Variants in LUZP2 observed in about 807,000 individuals in gnomAD.
LUZP2 encodes leucine zipper protein 2.
A neutral mutation model predicts 51.6 loss-of-function variants in LUZP2; 52 were observed. The observed-to-expected ratio is 1.01, with a 90% CI of 0.81 to 1.27. LUZP2 has a LOEUF of 1.27. Among genes scored for constraint, LUZP2 ranks in the 50% most tolerant of loss-of-function variants. The pLI, the probability that LUZP2 is intolerant of heterozygous loss-of-function variation, is 0.00. For missense variants in LUZP2, 436 were observed against 395.4 expected, an observed-to-expected ratio of 1.10 and a Z score of -0.87; for synonymous variants, 154 against 137.3, an observed-to-expected ratio of 1.12 and a Z score of -0.85.
chr11:24,963,995 C>T (rs1855505817), intron 7 of LUZP2, among the ~76,000 whole-genome samples: 1 of 152,184 alleles, frequency 6.6e-6, no homozygotes, highest in Non-Finnish European at 1.5e-5. Context: ...GTTTGACATA[C>T]TGATTTCAAA....
chr11:24,950,323 A>G (rs182282936), intron 7 of LUZP2, among the ~76,000 whole-genome samples: 1 of 151,552 alleles, frequency 6.6e-6, no homozygotes, highest in African/African-American at 2.4e-5. Flanking sequence ...ATTAACCCCC[A>G]AAAATGATTT....
intron 5 of LUZP2, among the ~76,000 whole-genome samples, chr11:24,824,947 A>G (rs1850480000): frequency 6.6e-6 from 1 of 152,246 alleles, no homozygotes; most frequent in African/African-American, 2.4e-5. Context: ...TAATGAAACT[A>G]TAGGCTCTAT....
At chr11:24,939,012 A>T (rs930456614) in intron 7 of LUZP2, among the ~76,000 whole-genome samples, 2 of 152,046 alleles carry the variant, frequency 1.3e-5, no homozygotes, top group African/African-American at 4.8e-5. Context: ...CCACACTTTA[A>T]ATTGGAAGGC....
At chr11:24,887,862 A>T (rs16913464) in intron 5 of LUZP2, among the ~76,000 whole-genome samples, 6,052 of 152,272 alleles carry the variant, frequency 0.04, 383 homozygotes, top group African/African-American at 0.13. Context: ...AGTCAGTTTT[A>T]GGAAGTTCCA....
intron 1 of LUZP2, among the ~76,000 whole-genome samples, chr11:24,651,367 A>C (rs999282161): frequency 2.0e-5 from 3 of 152,124 alleles, no homozygotes; most frequent in African/African-American, 7.2e-5. Context: ...TTTAGCAAAG[A>C]GCTTAAACAC....
chr11:24,547,879 T>C (rs933571723), intron 1 of LUZP2, among the ~76,000 whole-genome samples: 4 of 151,516 alleles, frequency 2.6e-5, no homozygotes, highest in African/African-American at 9.7e-5. Flanking sequence ...AAAAAGAAAC[T>C]ACCTCATTAA....
chr11:24,700,770 G>T (rs575676346), intron 1 of LUZP2, among the ~76,000 whole-genome samples: 1 of 151,900 alleles, frequency 6.6e-6, no homozygotes, highest in Non-Finnish European at 1.5e-5. Context: ...ATTTGGTTGG[G>T]GTTCATTCTG....
intron 10 of LUZP2, among the ~76,000 whole-genome samples, chr11:25,062,183 A>G (rs971794859): frequency 6.7e-6 from 1 of 149,872 alleles, no homozygotes; most frequent in Non-Finnish European, 1.5e-5. Flanking sequence ...AGGAGGAGGA[A>G]GGGAGAGAGA....
chr11:24,737,374 G>A (rs754619520), intron 3 of LUZP2, among the ~76,000 whole-genome samples: 1 of 151,910 alleles, frequency 6.6e-6, no homozygotes, highest in Non-Finnish European at 1.5e-5. Context: ...GACTCAAATA[G>A]GTTTCTATTT....
intron 7 of LUZP2, among the ~76,000 whole-genome samples, chr11:24,953,880 AACAG>A (rs1855144428): frequency 6.6e-6 from 1 of 152,038 alleles, no homozygotes; most frequent in Non-Finnish European, 1.5e-5. Flanking sequence ...TGAGATATTA[AACAG>A]ACAGGTAAAT....
rs193119486 is a variant in LUZP2, at chr11:24,626,762, G to A, written c.63-102407G>A. ...ACTTAAAATCAATACTGAGAAGATA[G>A]TATTTTTTTCTGAACCTGATCAACA... On this transcript the variant is annotated intron_variant, in intron 1 of 11. Transcript: ENST00000336930. Among the ~76,000 whole-genome samples, 38 of 145,454 alleles carry A rather than the reference G, an allele frequency of 2.6e-4. No individual in the cohort carries two copies. The East Asian group carries it at 6.6e-3, about 25-fold the overall frequency.
At chr11:24,718,340 A>T (rs1466713553) in intron 1 of LUZP2, among the ~76,000 whole-genome samples, 1 of 152,166 alleles carries the variant, frequency 6.6e-6, no homozygotes, top group African/African-American at 2.4e-5. Context: ...CTAGACCAAA[A>T]AGCTCGACCA....
chr11:24,662,980 A>G (rs1262842100), intron 1 of LUZP2, among the ~76,000 whole-genome samples: 4 of 152,104 alleles, frequency 2.6e-5, no homozygotes, highest in East Asian at 1.9e-4. Context: ...AAAATAGGAA[A>G]GGGAAAAATC....
intron 5 of LUZP2, among the ~76,000 whole-genome samples, chr11:24,805,831 C>T (rs1849840912): frequency 6.6e-6 from 1 of 152,124 alleles, no homozygotes; most frequent in Non-Finnish European, 1.5e-5. Flanking sequence ...GGAAGGCAGC[C>T]AGTTGAGGAT....
intron 1 of LUZP2, among the ~76,000 whole-genome samples, chr11:24,541,016 G>GC (rs1851343051): frequency 6.6e-6 from 1 of 152,070 alleles, no homozygotes; most frequent in Admixed American, 6.6e-5. Flanking sequence ...AGTTTGGGAG[G>GC]CCAAGGCAGG....
intron 1 of LUZP2, among the ~76,000 whole-genome samples, chr11:24,664,789 C>A (rs1326151696): frequency 3.3e-5 from 5 of 152,156 alleles, no homozygotes; most frequent in Non-Finnish European, 7.4e-5. Context: ...GGTTTGGGAA[C>A]CTCCACCTAG....
chr11:24,658,155 C>T (rs1463291209), intron 1 of LUZP2, among the ~76,000 whole-genome samples: 5 of 152,104 alleles, frequency 3.3e-5, no homozygotes, highest in Non-Finnish European at 5.9e-5. Context: ...GGAGGCATCA[C>T]GCTACCTGAC....
At chr11:25,009,508 A>G (rs1328858728) in intron 9 of LUZP2, among the ~76,000 whole-genome samples, 1 of 152,158 alleles carries the variant, frequency 6.6e-6, no homozygotes, top group Non-Finnish European at 1.5e-5. Context: ...ACTTTTATCT[A>G]GTAACTAAAG....
intron 7 of LUZP2, among the ~76,000 whole-genome samples, chr11:24,970,549 C>T (rs528730592): frequency 4.6e-5 from 7 of 152,232 alleles, no homozygotes; most frequent in African/African-American, 1.7e-4. Flanking sequence ...ACAAATCTAA[C>T]GTATGACTGA....
Sources: gnomAD v4.1 joint callset for allele counts (sites outside exome capture counted in the v4.1 genomes callset) on GRCh38, gnomAD v4.1.1 for gene constraint, MANE v1.5 for transcripts, NCBI Gene and HGNC (gene_info 2026-07-23, HGNC 2026-07-21) for gene names.